The following AGBL4 variants were observed in gnomAD, a reference collection of about 807,000 sequenced individuals.
AGBL4 encodes cytosolic carboxypeptidase 6.
In AGBL4, 58 loss-of-function variants were observed where a neutral mutation model predicts 66.4. The observed-to-expected ratio is 0.87, with a 90% CI of 0.71 to 1.09. The LOEUF (loss-of-function observed/expected upper bound fraction) is 1.09. Ranked by LOEUF, AGBL4 falls within the 50% of genes least tolerant of loss-of-function variation. AGBL4 has a pLI of 0.00. For missense variants in AGBL4, 579 were observed against 631.0 expected, an observed-to-expected ratio of 0.92 and a Z score of 0.88; for synonymous variants, 234 against 222.9, an observed-to-expected ratio of 1.05 and a Z score of -0.44.
intron 1 of AGBL4, among the ~76,000 whole-genome samples, chr1:49,977,215 C>T (rs1658638685): frequency 6.6e-6 from 1 of 150,970 alleles, no homozygotes; most frequent in Admixed American, 6.6e-5. Context: ...ATTCCATGAG[C>T]TTCACCTCCC....
At chr1:48,972,085 T>A (rs183100982) in intron 5 of AGBL4, among the ~76,000 whole-genome samples, 17 of 152,268 alleles carry the variant, frequency 1.1e-4, no homozygotes, top group Admixed American at 8.5e-4. Flanking sequence ...CCTTCTTGGA[T>A]ACTAGTTTCC....
chr1:48,644,017 A>G (rs1300414393), intron 8 of AGBL4, among the ~76,000 whole-genome samples: 3 of 152,088 alleles, frequency 2.0e-5, no homozygotes, highest in Non-Finnish European at 4.4e-5. Flanking sequence ...AATAAAGCTA[A>G]TATTTTGACT....
intron 1 of AGBL4, among the ~76,000 whole-genome samples, chr1:49,939,948 C>G (rs1272894080): frequency 6.6e-6 from 1 of 152,102 alleles, no homozygotes; most frequent in East Asian, 1.9e-4. Context: ...TCGTAACCTA[C>G]TCATCTGACA....
intron 3 of AGBL4, chr1:49,423,241 T>C (rs930288230): frequency 4.6e-5 from 7 of 152,224 alleles, no homozygotes; most frequent in Non-Finnish European, 1.0e-4. Context: ...TGTCTGTGTC[T>C]CCTCCTAGAC....
At chr1:49,714,767 T>C (rs1040543794) in intron 2 of AGBL4, among the ~76,000 whole-genome samples, 1 of 151,824 alleles carries the variant, frequency 6.6e-6, no homozygotes, top group African/African-American at 2.4e-5. Flanking sequence ...GATGAAATTA[T>C]TTCTTTTCAT....
intron 5 of AGBL4, among the ~76,000 whole-genome samples, chr1:48,970,340 C>T (rs1342565706): frequency 1.3e-5 from 2 of 152,166 alleles, no homozygotes; most frequent in Non-Finnish European, 2.9e-5. Context: ...ATGCTTTGCT[C>T]TTTGGCATTA....
rs1038429279 is a variant in AGBL4, at chr1:49,138,220, G to A, written c.378-92420C>T. ...TGTCCCTGCCAGGTGAGTAAACAAC[G>A]TCCAAAGAGAAAAATACTGCAAACA... is the stretch of plus-strand genomic sequence containing the variant. On this transcript the variant is annotated intron_variant, in intron 4 of 13. Coordinates refer to ENST00000371839, the MANE Select transcript of AGBL4 (RefSeq NM_032785.4). 4.6e-5 allele frequency among the ~76,000 whole-genome samples: 7 copies of A among 152,040 alleles called. 1 individual carries two copies. The highest frequency in any genetic ancestry group is 1.9e-4 in the East Asian group (1 of 5,180).
At chr1:49,447,656 G>A (rs1358963943) in intron 3 of AGBL4, among the ~76,000 whole-genome samples, 1 of 152,132 alleles carries the variant, frequency 6.6e-6, no homozygotes, top group Non-Finnish European at 1.5e-5. Context: ...GCTTGTCAGG[G>A]TAGAGGAATT....
intron 4 of AGBL4, among the ~76,000 whole-genome samples, chr1:49,120,246 A>C (rs914755140): frequency 6.6e-6 from 1 of 152,106 alleles, no homozygotes; most frequent in Non-Finnish European, 1.5e-5. Context: ...TTGCCCGTTA[A>C]TTGATGCAGT....
At chr1:49,927,919 T>C (rs1242236146) in intron 1 of AGBL4, among the ~76,000 whole-genome samples, 4 of 152,030 alleles carry the variant, frequency 2.6e-5, no homozygotes, top group African/African-American at 9.7e-5. Context: ...AATGATAAAA[T>C]AGACAAGGAC....
chr1:49,605,463 AAAG>A (rs933154401), intron 3 of AGBL4, among the ~76,000 whole-genome samples: 3 of 152,208 alleles, frequency 2.0e-5, no homozygotes, highest in Non-Finnish European at 4.4e-5. Flanking sequence ...AAAGCCATTC[AAAG>A]AAGCACAACA....
intron 5 of AGBL4, among the ~76,000 whole-genome samples, chr1:48,868,903 A>T (rs1648377464): frequency 6.6e-6 from 1 of 152,162 alleles, no homozygotes; most frequent in African/African-American, 2.4e-5. Flanking sequence ...ACTTCAGTCC[A>T]TGACAATAGT....
intron 6 of AGBL4, among the ~76,000 whole-genome samples, chr1:48,752,842 C>T (rs986894180): frequency 2.0e-5 from 3 of 152,218 alleles, no homozygotes; most frequent in East Asian, 1.9e-4. Flanking sequence ...CTCTGCTTCC[C>T]GGGTTCAAGC....
chr1:48,860,087 A>T (rs536115553), intron 6 of AGBL4, among the ~76,000 whole-genome samples: 1 of 152,188 alleles, frequency 6.6e-6, no homozygotes, highest in South Asian at 2.1e-4. Context: ...TGGACAAAAA[A>T]TAAGTCTCTC....
chr1:49,776,695 T>G (rs931100992), intron 2 of AGBL4, among the ~76,000 whole-genome samples: 1 of 152,164 alleles, frequency 6.6e-6, no homozygotes, highest in East Asian at 1.9e-4. Context: ...AGGAGGTCTT[T>G]TCTGACCTCC....
chr1:49,375,608 A>C (rs1449864163), intron 3 of AGBL4, among the ~76,000 whole-genome samples: 1 of 152,086 alleles, frequency 6.6e-6, no homozygotes, highest in African/African-American at 2.4e-5. Flanking sequence ...AAAGAAGCAA[A>C]ATGGCCTCAT....
chr1:48,996,572 CAA>C (rs1235753991), intron 5 of AGBL4, among the ~76,000 whole-genome samples: 1 of 152,030 alleles, frequency 6.6e-6, no homozygotes, highest in East Asian at 1.9e-4. Flanking sequence ...CTATGAGATC[CAA>C]TAACATGAAA....
chr1:49,543,875 T>C (rs1570990293), intron 3 of AGBL4, among the ~76,000 whole-genome samples: 1 of 152,274 alleles, frequency 6.6e-6, no homozygotes, highest in Middle Eastern at 3.4e-3. Flanking sequence ...TTCACAAAAG[T>C]GGTAGAAAGA....
intron 4 of AGBL4, among the ~76,000 whole-genome samples, chr1:49,220,156 T>C (rs1202541928): frequency 6.6e-6 from 1 of 152,180 alleles, no homozygotes; most frequent in Non-Finnish European, 1.5e-5. Flanking sequence ...GAACTCATTG[T>C]TCTCAGGGCT....
Sources: allele counts gnomAD v4.1 joint callset (sites outside exome capture counted in the v4.1 genomes callset), GRCh38; gene constraint gnomAD v4.1.1; transcripts MANE v1.5; gene names NCBI Gene and HGNC (gene_info 2026-07-23, HGNC 2026-07-21).